The following SPAG6 variants were observed in gnomAD, a reference collection of about 807,000 sequenced individuals.
The protein encoded by SPAG6 is sperm-associated antigen 6.
In SPAG6, 49 loss-of-function variants were observed where a neutral mutation model predicts 58.5. The ratio of observed to expected loss-of-function variants is 0.84; its 90% CI spans 0.67 to 1.06. The LOEUF is 1.06. Ranked by LOEUF, SPAG6 falls within the 50% of genes least tolerant of loss-of-function variation. SPAG6 has a pLI of 0.00. For missense variants in SPAG6, 560 were observed against 611.3 expected (o/e 0.92, Z 0.89); for synonymous variants, 233 against 225.6 (o/e 1.03, Z -0.29).
chr10:22,360,503 C>T (rs1049798472), intron 2 of SPAG6, among the ~76,000 whole-genome samples: 1 of 149,676 alleles, frequency 6.7e-6, no homozygotes, highest in Non-Finnish European at 1.5e-5. Context: ...CAGTATAGCA[C>T]TAGAATAAGA....
intron 2 of SPAG6, among the ~76,000 whole-genome samples, chr10:22,350,382 T>C (rs115084889): frequency 0.011 from 1,714 of 152,168 alleles, 28 homozygotes; most frequent in African/African-American, 0.038. Context: ...CATTGGTACA[T>C]AGTAGAAAAT....
intron 7 of SPAG6, among the ~76,000 whole-genome samples, chr10:22,389,661 A>T (rs995446778): frequency 1.3e-5 from 2 of 152,220 alleles, no homozygotes; most frequent in African/African-American, 4.8e-5. Context: ...TGACATGCCC[A>T]GTAGTCATTT....
intron 4 of SPAG6, among the ~76,000 whole-genome samples, chr10:22,379,922 G>C (rs570443989): frequency 3.3e-4 from 50 of 152,224 alleles, no homozygotes; most frequent in African/African-American, 1.2e-3. Context: ...AGCCTCCCGA[G>C]TAGCTGAGAC....
intron 8 of SPAG6, among the ~76,000 whole-genome samples, chr10:22,395,603 A>T (rs1458311606): frequency 2.6e-5 from 4 of 152,138 alleles, no homozygotes; most frequent in Admixed American, 2.6e-4. Context: ...GAGTTGTAAG[A>T]GTTCTTTGTA....
intron 2 of SPAG6, among the ~76,000 whole-genome samples, chr10:22,347,669 A>G (rs567994963): frequency 2.0e-5 from 3 of 152,298 alleles, no homozygotes; most frequent in South Asian, 2.1e-4. Context: ...CTCCCATAAG[A>G]GTGCAATGTA....
intron 2 of SPAG6, among the ~76,000 whole-genome samples, chr10:22,364,139 T>G (rs978137664): frequency 6.6e-6 from 1 of 151,682 alleles, no homozygotes; most frequent in African/African-American, 2.4e-5. Flanking sequence ...ATAACCTTAC[T>G]TTACCATTCA....
intron 2 of SPAG6, among the ~76,000 whole-genome samples, chr10:22,348,486 T>C (rs1425653596): frequency 1.3e-5 from 2 of 152,216 alleles, no homozygotes; most frequent in African/African-American, 2.4e-5. Flanking sequence ...TCTACATACC[T>C]GGAAGATTTT....
chr10:22,407,897 A>G (rs1337068819), intron 9 of SPAG6, among the ~76,000 whole-genome samples: 1 of 150,158 alleles, frequency 6.7e-6, no homozygotes, highest in Admixed American at 6.6e-5. Flanking sequence ...TTCATCTTCC[A>G]TTGCTGATAC....
chr10:22,391,272 G>T (rs1157610493), intron 7 of SPAG6, among the ~76,000 whole-genome samples: 1 of 152,124 alleles, frequency 6.6e-6, no homozygotes. Context: ...AGGTACTTAG[G>T]ATTCTTACTG....
chr10:22,360,044 A>G (rs944877777), intron 2 of SPAG6, among the ~76,000 whole-genome samples: 4 of 152,166 alleles, frequency 2.6e-5, no homozygotes, highest in Non-Finnish European at 4.4e-5. Context: ...GATGATTTCT[A>G]TATGTCACTG....
intron 5 of SPAG6, 69 bp from the exon 6 acceptor site, chr10:22,387,749 TTTACA>T (rs1209804453): frequency 9.9e-6 from 14 of 1,417,794 alleles, no homozygotes; most frequent in South Asian, 1.5e-5. Context: ...TATAAAACTG[TTTACA>T]TTACATCTGA....
chr10:22,416,284 A>G (rs1834863298), intron 10 of SPAG6, among the ~76,000 whole-genome samples: 2 of 152,106 alleles, frequency 1.3e-5, no homozygotes, highest in Admixed American at 1.3e-4. Context: ...AGGATCCTTA[A>G]AGCAACATTA....
intron 2 of SPAG6, among the ~76,000 whole-genome samples, chr10:22,363,556 G>C (rs1453350890): frequency 6.6e-6 from 1 of 152,124 alleles, no homozygotes; most frequent in African/African-American, 2.4e-5. Context: ...AGTAAAACCA[G>C]AAACTAGGAA....
intron 2 of SPAG6, among the ~76,000 whole-genome samples, chr10:22,350,221 T>G (rs1003605333): frequency 6.6e-6 from 1 of 152,134 alleles, no homozygotes; most frequent in Non-Finnish European, 1.5e-5. Context: ...CTACATATGC[T>G]TAAGTGGAAA....
chr10:22,365,313 A>T (rs531776036), intron 3 of SPAG6, among the ~76,000 whole-genome samples: 4 of 152,192 alleles, frequency 2.6e-5, no homozygotes, highest in Non-Finnish European at 4.4e-5. Flanking sequence ...GATCTGTCTT[A>T]GGGAAGTATG....
intron 7 of SPAG6, among the ~76,000 whole-genome samples, chr10:22,390,687 C>T (rs1157075025): frequency 6.6e-6 from 1 of 152,154 alleles, no homozygotes; most frequent in African/African-American, 2.4e-5. Context: ...TTTCTTCAGT[C>T]TTGTTACATC....
At position 22,368,536 on chromosome 10, in the gene SPAG6, T is replaced by C. The variant is rs1055554652; in HGVS notation, c.330T>C (p.Val110=). The C allele has an allele frequency of 6.2e-7, 1 of 1,614,006 alleles. No individual in the cohort carries two copies. Among genetic ancestry groups the C allele is most frequent in the African/African-American group, 1.3e-5 (1 of 75,036 alleles). The change falls in exon 4 of 11, where the codon GTT becomes GTC. Residue 110 remains valine (V), a synonymous_variant. Transcript: ENST00000376624. The stretch of plus-strand genomic sequence containing the variant: ...CAGCTGCCTTTGTGTTACGAGCAGT[T>C]GGTAAACATTCTCCCCAGCTAGCTC... ...KKAAAFVLRA[V]GKHSPQLAQA...
Position 22,411,118 on chromosome 10 carries a change from T to C in SPAG6, c.1402T>C (p.Ser468Pro), listed in dbSNP as rs766758366. The C allele has an allele frequency of 6.2e-7, 1 of 1,613,984 alleles. No individual in the cohort carries two copies. Among genetic ancestry groups the C allele is most frequent in the Middle Eastern group, 1.6e-4 (1 of 6,062 alleles). Residue 468 changes from serine to proline, a missense_variant, in exon 10 of 11, where the codon TCT (serine) becomes CCT (proline). Coordinates refer to ENST00000376624, the MANE Select transcript of SPAG6 (RefSeq NM_012443.4). ...KVQEIKAEPGSLLQEYINSIN... is the reference protein window; with the variant it reads ...KVQEIKAEPGPLLQEYINSIN... ...TCAAGAGATAAAAGCAGAACCTGGT[T>C]CTCTCCTTCAAGAATACATCAACAG...
chr10:22,353,907 G>A (rs373494306), intron 2 of SPAG6, among the ~76,000 whole-genome samples: 1 of 152,166 alleles, frequency 6.6e-6, no homozygotes, highest in South Asian at 2.1e-4. Context: ...TAGAGGGAAC[G>A]TTATGTGTAA....
Sources: allele counts gnomAD v4.1 joint callset (sites outside exome capture counted in the v4.1 genomes callset), GRCh38; gene constraint gnomAD v4.1.1; transcripts MANE v1.5; gene names NCBI Gene and HGNC (gene_info 2026-07-23, HGNC 2026-07-21).